Variants in CTSW observed in about 807,000 individuals in gnomAD.
The protein encoded by CTSW is cathepsin W.
CTSW carries 42 observed loss-of-function variants against 43.8 expected under a neutral mutation model. The observed-to-expected ratio is 0.96, with a 90% CI of 0.75 to 1.24. The LOEUF (loss-of-function observed/expected upper bound fraction) is 1.24. Ranked by LOEUF, CTSW falls within the 50% of genes most tolerant of loss-of-function variation. The pLI is 0.00. For synonymous variants in CTSW, 191 were observed against 184.8 expected (o/e 1.03, Z -0.27); for missense variants, 475 against 479.9 (o/e 0.99, Z 0.09).
intron 3 of CTSW, among the ~76,000 whole-genome samples, chr11:65,881,858 TCAGCCTCCACCTC>T (rs1380818662): frequency 1.3e-5 from 2 of 152,180 alleles, no homozygotes; most frequent in Non-Finnish European, 2.9e-5. Context: ...CACAGCTCAC[TCAGCCTCCACCTC>T]CTAGACTCAA....
At position 65,879,912 on chromosome 11, in the gene CTSW, CA is replaced by C. The variant is rs1489208054; in HGVS notation, c.60del (p.Gly21AlafsTer11). 1 of 1,613,582 alleles carries C rather than the reference CA, an allele frequency of 6.2e-7. No individual in the cohort carries two copies. Among genetic ancestry groups the C allele is most frequent in the African/African-American group, 1.3e-5 (1 of 74,932 alleles). On this transcript the variant is annotated frameshift_variant, in exon 1 of 10. Transcript: ENST00000307886. LOFTEE classifies it high-confidence loss of function. ...LLALLVAGLAQGIRGPLRAQD... is the reference protein window; with the variant it reads ...LLALLVAGLAXGIRGPLRAQD... ...GGCCCTGTTGGTGGCAGGCCTAGCCCAAGGCATCAGAGGCCCCCTTAGGGCC... is the reference window on the plus strand; with the variant it reads ...GGCCCTGTTGGTGGCAGGCCTAGCCCAGGCATCAGAGGCCCCCTTAGGGCC...
At position 65,883,691 on chromosome 11, in the gene CTSW, C is replaced by A; in HGVS notation, c.*73C>A. The stretch of plus-strand genomic sequence containing the variant: ...TGCCAGCCCCACCCCCAGGTTTTTG[C>A]CCATCCTCCCAATCTCAATACAGCC... On this transcript the variant is annotated 3_prime_UTR_variant, in exon 10 of 10. Transcript: ENST00000307886. The A allele has an allele frequency of 1.5e-6, 2 of 1,358,492 alleles. No homozygotes were observed. Among genetic ancestry groups the A allele is most frequent in the Non-Finnish European group, 2.1e-6 (2 of 961,056 alleles). The allele number at this position is 1,358,492 out of a possible 1,614,324, so 84.2% of individuals were successfully genotyped here. A position where few individuals can be genotyped will look rare whatever the true frequency, so the allele number is the denominator to read the frequency against.
At position 65,883,528 on chromosome 11, in the gene CTSW, A is replaced by G; in HGVS notation, c.1041A>G (p.Arg347=). 1 of 1,613,850 alleles carries G rather than the reference A, an allele frequency of 6.2e-7. No homozygotes were observed. The highest frequency in any genetic ancestry group is 2.2e-5 in the East Asian group (1 of 44,870). Residue 347 remains arginine, a synonymous_variant, in exon 10 of 10, where the codon CGA becomes CGG. Transcript: ENST00000307886. The part of the protein sequence containing the change: ...WGEKGYFRLH[R]GSNTCGITKF... ...CCTAGGGCTATTTCCGGCTGCACCGAGGGAGCAATACCTGTGGCATCACCA... is the reference window on the plus strand; with the variant it reads ...CCTAGGGCTATTTCCGGCTGCACCGGGGGAGCAATACCTGTGGCATCACCA...
At chr11:65,883,483 G>A (rs376282606) in intron 9 of CTSW, 25 bp from the exon 10 acceptor site, 22 of 1,611,446 alleles carry the variant, frequency 1.4e-5, no homozygotes, top group African/African-American at 1.3e-4. Flanking sequence ...CCACCTTCCC[G>A]CCCCTATGTC....
Position 65,882,694 on chromosome 11 carries a change from G to A in CTSW, c.619+5G>A. 6.2e-7 allele frequency: 1 copy of A among 1,613,928 alleles called. No individual in the cohort carries two copies. The highest frequency in any genetic ancestry group is 8.5e-7 in the Non-Finnish European group (1 of 1,180,012). ...TCATAACTGTCCTCAACAACAGTGA[G>A]TGCACTGCCCCGCCACTCTGGACAT... On this transcript the variant is annotated splice_donor_5th_base_variant and intron_variant, in intron 6 of 9. Coordinates refer to ENST00000307886, the MANE Select transcript of CTSW (RefSeq NM_001335.4).
rs538612465 is a variant in CTSW, at chr11:65,883,197, G to A, written c.811-18G>A. 3.1e-5 allele frequency: 50 copies of A among 1,613,526 alleles called. No individual in the cohort carries two copies. The highest frequency in any genetic ancestry group is 4.2e-5 in the Non-Finnish European group (49 of 1,179,830). Reference sequence around the variant, plus strand: ...GACTTGGCCCCACACTCAGCCCCTCGGCCCCCACCCCCTGCAGCTATACCG... The same window carrying A: ...GACTTGGCCCCACACTCAGCCCCTCAGCCCCCACCCCCTGCAGCTATACCG... On this transcript the variant is annotated intron_variant, in intron 8 of 9. Transcript: ENST00000307886.
At chr11:65,880,067 C>T in intron 1 of CTSW, 126 bp downstream of exon 1, 1 of 1,184,058 alleles carries the variant, frequency 8.4e-7, no homozygotes, top group Non-Finnish European at 1.2e-6. Flanking sequence ...CTGACGTGCC[C>T]AAGGGCACAT....
intron 5 of CTSW, 31 bp from the exon 6 acceptor site, chr11:65,882,578 T>G (rs375768698): frequency 6.2e-7 from 1 of 1,614,162 alleles, no homozygotes; most frequent in East Asian, 2.2e-5. Context: ...CCTAGGGGCC[T>G]GGTCACCCAC....
At chr11:65,882,077 C>A (rs1860113323) in intron 3 of CTSW, 98 bp from the exon 4 acceptor site, 3 of 1,456,378 alleles carry the variant, frequency 2.1e-6, no homozygotes, top group South Asian at 2.6e-5. Context: ...TGCCTTTTTG[C>A]CCCTCAGGGA....
In CTSW at chr11:65,882,915, G is replaced by A. The variant is rs763304872; in HGVS notation, c.745+11G>A. On this transcript the variant is annotated intron_variant, in intron 7 of 9. Transcript: ENST00000307886. ...AGAACAACGAGCACAGTGCGGGCAG[G>A]GCAGGGACACGGGCGGATGGCAGGG... 1.2e-6 allele frequency: 2 copies of A among 1,613,774 alleles called. No individual in the cohort carries two copies. The highest frequency in any genetic ancestry group is 4.5e-5 in the East Asian group (2 of 44,886).
At position 65,883,560 on chromosome 11, in the gene CTSW, C is replaced by T. The variant is rs768538496; in HGVS notation, c.1073C>T (p.Pro358Leu). ...AATACCTGTGGCATCACCAAGTTCC[C>T]GCTCACTGCCCGTGTGCAGAAACCG... ...GSNTCGITKFPLTARVQKPDM... is the reference protein window; with the variant it reads ...GSNTCGITKFLLTARVQKPDM... Residue 358 changes from proline (P) to leucine (L), a missense_variant, in exon 10 of 10, where the codon CCG (proline) becomes CTG (leucine). Transcript: ENST00000307886. The T allele has an allele frequency of 9.3e-6, 15 of 1,613,990 alleles. No individual in the cohort carries two copies. The highest frequency in any genetic ancestry group is 2.7e-5 in the African/African-American group (2 of 74,898).
chr11:65,883,349 G>T lies in CTSW; in HGVS notation c.945G>T (p.Gln315His). The part of the protein sequence containing the change: ...EGIWAETVSS[Q>H]SQPQPPHPTP... Reference sequence around the variant, plus strand: ...TATGGGCAGAGACAGTCTCATCGCAGTCTCAGCCTCAGCCTCCACACCCCA... The same window carrying T: ...TATGGGCAGAGACAGTCTCATCGCATTCTCAGCCTCAGCCTCCACACCCCA... Residue 315 changes from glutamine (Q) to histidine (H), a missense_variant, in exon 9 of 10, where the codon CAG becomes CAT. Physicochemically the swap from Gln to His is conservative, Grantham distance 24. Transcript: ENST00000307886. The T allele has an allele frequency of 6.2e-7, 1 of 1,614,102 alleles. No homozygotes were observed. The highest frequency in any genetic ancestry group is 8.5e-7 in the Non-Finnish European group (1 of 1,180,028).
In CTSW at chr11:65,883,674, C is replaced by A; in HGVS notation, c.*56C>A. Reference sequence around the variant, plus strand: ...TAGGCCAACTGCCTCCTTGCCAGCCCCACCCCCAGGTTTTTGCCCATCCTC... The same window carrying A: ...TAGGCCAACTGCCTCCTTGCCAGCCACACCCCCAGGTTTTTGCCCATCCTC... On this transcript the variant is annotated 3_prime_UTR_variant, in exon 10 of 10. Transcript: ENST00000307886. The A allele has an allele frequency of 3.3e-6, 5 of 1,522,060 alleles. No homozygotes were observed. In the South Asian group the frequency reaches 5.6e-5, roughly 17 times the overall value. 94.3% of individuals were successfully genotyped at this position (1,522,060 alleles called of 1,614,324 possible). A position where few individuals can be genotyped will look rare whatever the true frequency, so the allele number is the denominator to read the frequency against.
chr11:65,883,520 C>G lies in CTSW; in HGVS notation c.1033C>G (p.Leu345Val). The change falls in exon 10 of 10, where the codon CTG (leucine) becomes GTG (valine). Residue 345 changes from leucine (L) to valine (V), a missense_variant. Transcript: ENST00000307886. Reference sequence around the variant, plus strand: ...CCTAACCTCCTAGGGCTATTTCCGGCTGCACCGAGGGAGCAATACCTGTGG... The same window carrying G: ...CCTAACCTCCTAGGGCTATTTCCGGGTGCACCGAGGGAGCAATACCTGTGG... ...AQWGEKGYFR[L>V]HRGSNTCGIT... The G allele has an allele frequency of 6.2e-7, 1 of 1,613,878 alleles. No homozygotes were observed. Among genetic ancestry groups the G allele is most frequent in the South Asian group, 1.1e-5 (1 of 91,084 alleles).
At chr11:65,882,752 C>T in intron 6 of CTSW, 27 bp from the exon 7 acceptor site, 1 of 1,614,166 alleles carries the variant, frequency 6.2e-7, no homozygotes, top group South Asian at 1.1e-5. Flanking sequence ...GGAGCGGAAC[C>T]TCCTCCCTTG....
rs751766132 is a variant in CTSW, at chr11:65,882,412, C to T, written c.442-18C>T. 2.5e-6 allele frequency: 4 copies of T among 1,614,058 alleles called. No homozygotes were observed. Among genetic ancestry groups the T allele is most frequent in the East Asian group, 2.2e-5 (1 of 44,878 alleles). On this transcript the variant is annotated intron_variant, in intron 4 of 9. Coordinates refer to ENST00000307886, the MANE Select transcript of CTSW (RefSeq NM_001335.4). ...ACGGCCCGAACACCTAGCCCCGCCC[C>T]ACCCTCTCGCCCTCCAGAAAAACTG...
chr11:65,882,936 C>T (rs1184149388), intron 7 of CTSW, 32 bp downstream of exon 7: 1 of 1,612,718 alleles, frequency 6.2e-7, no homozygotes, highest in South Asian at 1.1e-5. Context: ...GGGCGGATGG[C>T]AGGGACAGAC....
chr11:65,883,736 C>A lies in CTSW; in HGVS notation c.*118C>A, dbSNP rs1860152676. 9.5e-6 allele frequency: 9 copies of A among 951,900 alleles called. 1 individual carries two copies. The South Asian group carries it at 1.1e-4, about 12-fold the overall frequency. 59.0% of individuals were successfully genotyped at this position (951,900 alleles called of 1,614,324 possible). On this transcript the variant is annotated 3_prime_UTR_variant, in exon 10 of 10. Transcript: ENST00000307886. ...ACAGCCTGAATAAACCAAGACAAGA[C>A]CTCTGGCTTGTGAGCAGACTCTTCT...
At chr11:65,880,414 C>T (rs145650095) in intron 2 of CTSW, 128 bp downstream of exon 2, 26,731 of 642,500 alleles carry the variant, frequency 0.042, 920 homozygotes, top group Non-Finnish European at 0.047. Flanking sequence ...CTCCACCTCC[C>T]GGGTTCAAGC....
Sources: allele counts gnomAD v4.1 joint callset (sites outside exome capture counted in the v4.1 genomes callset), GRCh38; gene constraint gnomAD v4.1.1; transcripts MANE v1.5; gene names NCBI Gene and HGNC (gene_info 2026-07-23, HGNC 2026-07-21).